ENOX1: variants seen among roughly 807,000 people sequenced by gnomAD.
ENOX1 encodes the protein ecto-NOX disulfide-thiol exchanger 1.
In ENOX1, 42 loss-of-function variants were observed where a neutral mutation model predicts 82.5. That is an observed-to-expected ratio of 0.51 (90% CI 0.40 to 0.66). ENOX1 has a LOEUF of 0.66. Among genes scored for constraint, ENOX1 ranks in the 30% least tolerant of loss-of-function variants. ENOX1 has a pLI of 0.00. For missense variants in ENOX1, 608 were observed against 811.6 expected, an observed-to-expected ratio of 0.75 and a Z score of 3.05; for synonymous variants, 271 against 282.2, an observed-to-expected ratio of 0.96 and a Z score of 0.40.
At position 43,460,338 on chromosome 13, in the gene ENOX1, T is replaced by G. The variant is rs192681113; in HGVS notation, c.-75+23671A>C. Among the ~76,000 whole-genome samples the G allele has an allele frequency of 7.2e-5, 11 of 152,304 alleles. No individual in the cohort carries two copies. In the East Asian group the frequency reaches 1.9e-3, roughly 27 times the overall value. ...GGTTTTAAAGTGTTCTGTTTCTATT[T>G]TTTTCATTAAAAATTCTATCAGAAA... On this transcript the variant is annotated intron_variant, in intron 3 of 16. Transcript: ENST00000690772.
chr13:43,541,445 G>A (rs1343261025), intron 2 of ENOX1, among the ~76,000 whole-genome samples: 2 of 152,020 alleles, frequency 1.3e-5, no homozygotes, highest in African/African-American at 4.8e-5. Flanking sequence ...AGGCTGCAGT[G>A]AGCTATGACT....
intron 2 of ENOX1, among the ~76,000 whole-genome samples, chr13:43,663,750 C>A (rs1262418222): frequency 6.6e-6 from 1 of 151,954 alleles, no homozygotes; most frequent in African/African-American, 2.4e-5. Flanking sequence ...GTAAGAAATG[C>A]TTGGAAAGGA....
chr13:43,642,458 A>G (rs1333908232), intron 2 of ENOX1, among the ~76,000 whole-genome samples: 1 of 152,208 alleles, frequency 6.6e-6, no homozygotes, highest in Non-Finnish European at 1.5e-5. Context: ...ACTAACTGTG[A>G]GTTGAAGTAA....
At position 43,467,505 on chromosome 13, in the gene ENOX1, T is replaced by TATTTTAAAATTTTAAAATTTTAA. The variant is rs1555288399; in HGVS notation, c.-75+16481_-75+16503dup. 1.5e-3 allele frequency among the ~76,000 whole-genome samples: 200 copies of TATTTTAAAATTTTAAAATTTTAA among 131,254 alleles called. 1 individual carries two copies. The highest frequency in any genetic ancestry group is 5.5e-3 in the African/African-American group (190 of 34,754). 86.1% of individuals were successfully genotyped at this position (131,254 alleles called of 152,430 possible). ...TATAGTATCTTCTTTGGACAAATGTTATTTTAAAATTTTAAAATTTTAAAT... is the reference window on the plus strand; with the variant it reads ...TATAGTATCTTCTTTGGACAAATGTTATTTTAAAATTTTAAAATTTTAAATTTTAAAATTTTAAAATTTTAAAT... On this transcript the variant is annotated intron_variant, in intron 3 of 16. Coordinates refer to ENST00000690772, the MANE Select transcript of ENOX1 (RefSeq NM_001347969.2).
chr13:43,538,671 T>G (rs1331209677), intron 2 of ENOX1, among the ~76,000 whole-genome samples: 3 of 152,222 alleles, frequency 2.0e-5, no homozygotes, highest in African/African-American at 7.2e-5. Context: ...GTTGTTAATA[T>G]CCTCTTATTA....
At chr13:43,447,692 G>A (rs974987458) in intron 3 of ENOX1, among the ~76,000 whole-genome samples, 1 of 152,110 alleles carries the variant, frequency 6.6e-6, no homozygotes, top group Non-Finnish European at 1.5e-5. Flanking sequence ...GCCAGCTATA[G>A]CCCTTCTAAT....
At chr13:43,321,392 G>A (rs1018056948) in intron 11 of ENOX1, among the ~76,000 whole-genome samples, 1 of 152,204 alleles carries the variant, frequency 6.6e-6, no homozygotes, top group Admixed American at 6.5e-5. Context: ...CTATATGCCT[G>A]TAGGCAGGAG....
At chr13:43,328,095 C>T (rs1287582954) in intron 9 of ENOX1, among the ~76,000 whole-genome samples, 3 of 152,190 alleles carry the variant, frequency 2.0e-5, no homozygotes, top group Non-Finnish European at 4.4e-5. Flanking sequence ...CTTCCCTCCT[C>T]GACCTCAACT....
At chr13:43,752,091 T>C (rs1950354920) in intron 1 of ENOX1, among the ~76,000 whole-genome samples, 1 of 152,206 alleles carries the variant, frequency 6.6e-6, no homozygotes, top group Admixed American at 6.5e-5. Flanking sequence ...TCTATTGTTG[T>C]ATTATCTCAC....
At chr13:43,385,363 A>G (rs7329388) in intron 5 of ENOX1, among the ~76,000 whole-genome samples, 10,900 of 152,076 alleles carry the variant, frequency 0.072, 513 homozygotes, top group African/African-American at 0.13. Flanking sequence ...TATATGACCT[A>G]TTTTGTAAAG....
At chr13:43,522,760 G>C (rs1331298931) in intron 2 of ENOX1, among the ~76,000 whole-genome samples, 1 of 152,056 alleles carries the variant, frequency 6.6e-6, no homozygotes, top group African/African-American at 2.4e-5. Flanking sequence ...AAAAAATAAA[G>C]AATGACTACA....
At chr13:43,746,898 G>T (rs115884048) in intron 1 of ENOX1, among the ~76,000 whole-genome samples, 7,018 of 152,076 alleles carry the variant, frequency 0.046, 356 homozygotes, top group East Asian at 0.21. Flanking sequence ...AACTTCAAAC[G>T]GCAGTTTGTC....
intron 2 of ENOX1, among the ~76,000 whole-genome samples, chr13:43,611,416 G>A (rs1386981472): frequency 6.6e-6 from 1 of 152,184 alleles, no homozygotes; most frequent in Non-Finnish European, 1.5e-5. Context: ...CTGTCTGGAT[G>A]TCAGAATGCA....
chr13:43,290,368 C>CAT (rs141606203), intron 12 of ENOX1, among the ~76,000 whole-genome samples: 1,613 of 150,370 alleles, frequency 0.011, 24 homozygotes, highest in East Asian at 0.086. Context: ...ATGGGATATA[C>CAT]ATATATATAT....
Position 43,781,332 on chromosome 13 carries a change from G to A in ENOX1, c.-285+5320C>T, listed in dbSNP as rs1049223962. Among the ~76,000 whole-genome samples the A allele has an allele frequency of 2.0e-5, 3 of 152,096 alleles. No homozygotes were observed. The South Asian group carries it at 6.2e-4, about 32-fold the overall frequency. The stretch of plus-strand genomic sequence containing the variant: ...TCTGCCATATGCCAGGCTATATGTC[G>A]TAGGTACCGGGCACTGTTCTCAGTG... On this transcript the variant is annotated intron_variant, in intron 1 of 16. Transcript: ENST00000690772.
At chr13:43,308,999 C>T (rs568433246) in intron 11 of ENOX1, among the ~76,000 whole-genome samples, 1 of 150,602 alleles carries the variant, frequency 6.6e-6, no homozygotes, top group South Asian at 2.1e-4. Flanking sequence ...CTTCAAGGGC[C>T]CTCTGACCTC....
At chr13:43,525,695 C>T (rs1454152056) in intron 2 of ENOX1, among the ~76,000 whole-genome samples, 4 of 151,928 alleles carry the variant, frequency 2.6e-5, no homozygotes, top group Non-Finnish European at 4.4e-5. Context: ...ATGGTATCTC[C>T]ATGTGGTTTT....
At chr13:43,727,571 T>C (rs1344722471) in intron 1 of ENOX1, among the ~76,000 whole-genome samples, 1 of 152,156 alleles carries the variant, frequency 6.6e-6, no homozygotes, top group Admixed American at 6.6e-5. Context: ...CCATGTATGG[T>C]TGCTGTTGGG....
At chr13:43,652,744 C>G (rs746527740) in intron 2 of ENOX1, among the ~76,000 whole-genome samples, 14 of 152,172 alleles carry the variant, frequency 9.2e-5, no homozygotes, top group Non-Finnish European at 5.9e-5. Context: ...TCATAGTGGG[C>G]AGGAAGGTCT....
Sources: gnomAD v4.1 joint callset for allele counts (sites outside exome capture counted in the v4.1 genomes callset) on GRCh38, gnomAD v4.1.1 for gene constraint, MANE v1.5 for transcripts, NCBI Gene and HGNC (gene_info 2026-07-23, HGNC 2026-07-21) for gene names.